Variants in MOB2 observed in about 807,000 individuals in gnomAD.
The protein encoded by MOB2 is MOB2 Mps One Binder homolog.
In MOB2, 14 loss-of-function variants were observed where a neutral mutation model predicts 27.4. That is an observed-to-expected ratio of 0.51 (90% confidence interval 0.34 to 0.80). The LOEUF (loss-of-function observed/expected upper bound fraction) is 0.80, where lower values mean the gene tolerates loss of function less well. Among genes scored for constraint, MOB2 ranks in the 30% least tolerant of loss-of-function variants. The pLI is 0.01. For synonymous variants in MOB2, 167 were observed against 151.8 expected (o/e 1.10, Z -0.74); for missense variants, 304 against 354.6 (o/e 0.86, Z 1.15).
At chr11:1,471,183 G>A (rs149570523) in intron 4 of MOB2, 112 bp downstream of exon 4, 14,771 of 1,394,128 alleles carry the variant, frequency 0.011, 92 homozygotes, top group Non-Finnish European at 0.012. Flanking sequence ...TGCAGCTGCC[G>A]CCCTCCGTGC....
In MOB2 at chr11:1,469,762, C is replaced by G. The variant is rs1847755523; in HGVS notation, c.*410G>C. On this transcript the variant is annotated 3_prime_UTR_variant, in exon 5 of 5. Transcript: ENST00000329957. ...AGGAGGGTCTCTGTGAAAGCAAGCC[C>G]CACCCCCAGAGCAGAGCAGAGACCC... 1 of 476,434 alleles carries G rather than the reference C, an allele frequency of 2.1e-6. No homozygotes were observed. Among genetic ancestry groups the G allele is most frequent in the African/African-American group, 2.0e-5 (1 of 51,052 alleles). The allele number at this position is 476,434 out of a possible 1,614,324, so 29.5% of individuals were successfully genotyped here. A position where few individuals can be genotyped will look rare whatever the true frequency, so the allele number is the denominator to read the frequency against.
At chr11:1,472,237 C>T (rs1324793967) in intron 3 of MOB2, 1 of 151,634 alleles carries the variant, frequency 6.6e-6, no homozygotes, top group African/African-American at 2.4e-5. Flanking sequence ...GGTGCTGGGT[C>T]TCAGTCCTCC....
chr11:1,484,720 A>G (rs1847952672), intron 1 of MOB2, among the ~76,000 whole-genome samples: 1 of 151,704 alleles, frequency 6.6e-6, no homozygotes, highest in Non-Finnish European at 1.5e-5. Context: ...CATTTCTAAC[A>G]CCGTGTTCTA....
chr11:1,480,351 A>G (rs769730947), intron 3 of MOB2, 42 bp downstream of exon 3: 1 of 1,579,094 alleles, frequency 6.3e-7, no homozygotes, highest in South Asian at 1.1e-5. Context: ...AGCCCCACCG[A>G]GTCTCCCAAG....
At chr11:1,473,811 G>A (rs905170002) in intron 3 of MOB2, among the ~76,000 whole-genome samples, 5 of 152,224 alleles carry the variant, frequency 3.3e-5, no homozygotes, top group Non-Finnish European at 4.4e-5. Flanking sequence ...CAGGACACGC[G>A]GCGGCTTACG....
intron 3 of MOB2, chr11:1,472,347 G>C (rs2133358237): frequency 6.6e-6 from 1 of 152,334 alleles, no homozygotes; most frequent in East Asian, 1.9e-4. Context: ...TGCTGTGGTG[G>C]GAGTGCTCAC....
chr11:1,480,523 C>T (rs1269950034), intron 2 of MOB2, 37 bp from the exon 3 acceptor site: 4 of 1,606,710 alleles, frequency 2.5e-6, no homozygotes, highest in South Asian at 2.2e-5. Flanking sequence ...GTGAAAAACG[C>T]CAGAGCTGAG....
chr11:1,483,463 C>T (rs977603221), intron 1 of MOB2, among the ~76,000 whole-genome samples: 1 of 152,230 alleles, frequency 6.6e-6, no homozygotes, highest in Non-Finnish European at 1.5e-5. Flanking sequence ...CACACTATTC[C>T]AACAGGTGGG....
In MOB2 at chr11:1,470,264, A is replaced by G. The variant is rs1337447328; in HGVS notation, c.715T>C (p.Cys239Arg). ...CTGTGGACCCCGCCGGCCCCGCTGC[A>G]TAGCACCTCGGTGAGGTCGTCCATG... ...AIMDDLTEVL[C>R]SGAGGVHSGG... Residue 239 changes from cysteine to arginine, a missense_variant, in exon 5 of 5, where the codon TGC (cysteine) becomes CGC (arginine). Cys to Arg is a radical substitution (Grantham distance 180, BLOSUM62 -3). Coordinates refer to ENST00000329957, the MANE Select transcript of MOB2 (RefSeq NM_001172223.3). 1 of 1,612,900 alleles carries G rather than the reference A, an allele frequency of 6.2e-7. No homozygotes were observed. Among genetic ancestry groups the G allele is most frequent in the Non-Finnish European group, 8.5e-7 (1 of 1,179,870 alleles).
At chr11:1,485,844 G>T (rs1847964453) in intron 1 of MOB2, among the ~76,000 whole-genome samples, 1 of 152,232 alleles carries the variant, frequency 6.6e-6, no homozygotes, top group South Asian at 2.1e-4. Context: ...CCCCGCAGCA[G>T]GTCAGAGAAA....
chr11:1,470,698 C>T (rs1017851997), intron 4 of MOB2, among the ~76,000 whole-genome samples: 1 of 152,234 alleles, frequency 6.6e-6, no homozygotes, highest in African/African-American at 2.4e-5. Context: ...CTGCTGAGAC[C>T]TCCCTGCGTG....
At chr11:1,484,318 G>A (rs371680484) in intron 1 of MOB2, among the ~76,000 whole-genome samples, 32 of 152,188 alleles carry the variant, frequency 2.1e-4, no homozygotes, top group Middle Eastern at 3.2e-3. Flanking sequence ...TGGAAAATAC[G>A]GTGACCAGGC....
chr11:1,471,206 C>T (rs1420770047), intron 4 of MOB2, 89 bp downstream of exon 4: 39 of 1,484,976 alleles, frequency 2.6e-5, no homozygotes, highest in Middle Eastern at 1.8e-4. Flanking sequence ...CTGCCCCTCC[C>T]GGCACAGGAG....
chr11:1,475,542 G>A lies in MOB2; in HGVS notation c.366-4123C>T, dbSNP rs145049166. On this transcript the variant is annotated intron_variant, in intron 3 of 4. Coordinates refer to ENST00000329957, the MANE Select transcript of MOB2 (RefSeq NM_001172223.3). ...TCTCGAACTCCTGAAGTGATCCACC[G>A]CCTCAGCCTCCTGAGTAGCCAGGAT... Among the ~76,000 whole-genome samples, 266 of 152,326 alleles carry A rather than the reference G, an allele frequency of 1.7e-3. 1 individual carries two copies. Among genetic ancestry groups the A allele is most frequent in the African/African-American group, 5.7e-3 (235 of 41,560 alleles).
At chr11:1,473,745 G>T (rs1847822553) in intron 3 of MOB2, among the ~76,000 whole-genome samples, 1 of 152,228 alleles carries the variant, frequency 6.6e-6, no homozygotes, top group Admixed American at 6.5e-5. Context: ...ACCGTTTCTG[G>T]TATATAGTTC....
rs1305937145 is a variant in MOB2, at chr11:1,470,214, G to C, written c.765C>G (p.Gly255=). The C allele has an allele frequency of 6.2e-7, 1 of 1,611,714 alleles. No homozygotes were observed. The highest frequency in any genetic ancestry group is 8.5e-7 in the Non-Finnish European group (1 of 1,179,492). The part of the protein sequence containing the change: ...VHSGGSGDGA[G]SGGPGAQNHV... The stretch of plus-strand genomic sequence containing the variant: ...GGTTCTGTGCTCCCGGGCCCCCGCT[G>C]CCGGCCCCATCCCCACTGCCCCCAC... Residue 255 remains glycine (G), a synonymous_variant, in exon 5 of 5, where the codon GGC becomes GGG. Coordinates refer to ENST00000329957, the MANE Select transcript of MOB2 (RefSeq NM_001172223.3).
At chr11:1,481,178 C>A (rs1023448431) in intron 1 of MOB2, 1 of 514,184 alleles carries the variant, frequency 1.9e-6, no homozygotes, top group Non-Finnish European at 3.6e-6. Context: ...CCAAGTCCTC[C>A]AACCAGGGAG....
intron 4 of MOB2, among the ~76,000 whole-genome samples, chr11:1,470,794 C>T (rs1187744433): frequency 2.2e-5 from 3 of 138,576 alleles, no homozygotes; most frequent in African/African-American, 2.5e-5. Flanking sequence ...GGCCTGTGAT[C>T]GGGCACTCGG....
rs1847768289 is a variant in MOB2, at chr11:1,470,240, T to C, written c.739A>G (p.Ser247Gly). 2 of 1,612,366 alleles carry C rather than the reference T, an allele frequency of 1.2e-6. No individual in the cohort carries two copies. The highest frequency in any genetic ancestry group is 1.3e-5 in the African/African-American group (1 of 74,918). ...CCGGCCCCATCCCCACTGCCCCCACTGTGGACCCCGCCGGCCCCGCTGCAT... is the reference window on the plus strand; with the variant it reads ...CCGGCCCCATCCCCACTGCCCCCACCGTGGACCCCGCCGGCCCCGCTGCAT... ...VLCSGAGGVH[S>G]GGSGDGAGSG... Residue 247 changes from serine to glycine, a missense_variant, in exon 5 of 5, where the codon AGT becomes GGT. Transcript: ENST00000329957.
Sources: gnomAD v4.1 joint callset for allele counts (sites outside exome capture counted in the v4.1 genomes callset) on GRCh38, gnomAD v4.1.1 for gene constraint, MANE v1.5 for transcripts, NCBI Gene and HGNC (gene_info 2026-07-23, HGNC 2026-07-21) for gene names.